The following HMCN1 variants were observed in gnomAD, a reference collection of about 807,000 sequenced individuals.
HMCN1 encodes the protein hemicentin-1.
In HMCN1, 321 loss-of-function variants were observed where a neutral mutation model predicts 625.9. That is an observed-to-expected ratio of 0.51 (90% CI 0.47 to 0.56). The LOEUF (loss-of-function observed/expected upper bound fraction) is 0.56. Ranked by LOEUF, HMCN1 falls within the 20% of genes least tolerant of loss-of-function variation. The probability of loss-of-function intolerance (pLI) is 0.00; values close to 1 mark genes in which losing one functional copy is unlikely to be tolerated. For synonymous variants in HMCN1, 2,425 were observed against 2,417.6 expected (o/e 1.00, Z -0.09); for missense variants, 6,588 against 6,887.3 (o/e 0.96, Z 1.54).
chr1:185,966,765 T>C (rs1650433365), intron 14 of HMCN1, among the ~76,000 whole-genome samples: 1 of 152,182 alleles, frequency 6.6e-6, no homozygotes, highest in African/African-American at 2.4e-5. Flanking sequence ...AACATTTCCA[T>C]AGCAACAGGT....
rs748670419 is a variant in HMCN1, at chr1:186,093,479, A to G, written c.10013-7A>G. Reference sequence around the variant, plus strand: ...CTTCCCTCTCTCTCACTTTCTGCACAACATAGTTACACCTACAATTAGGGG... The same window carrying G: ...CTTCCCTCTCTCTCACTTTCTGCACGACATAGTTACACCTACAATTAGGGG... On this transcript the variant is annotated splice_polypyrimidine_tract_variant and splice_region_variant and intron_variant, in intron 65 of 106. Transcript: ENST00000271588. 3.1e-6 allele frequency: 5 copies of G among 1,612,982 alleles called. No individual in the cohort carries two copies. In the East Asian group the frequency reaches 1.1e-4, roughly 36 times the overall value.
At chr1:185,831,679 A>G (rs1660869509) in intron 1 of HMCN1, among the ~76,000 whole-genome samples, 1 of 152,228 alleles carries the variant, frequency 6.6e-6, no homozygotes, top group Non-Finnish European at 1.5e-5. Context: ...ATATTTAAAA[A>G]TCAATAGCTT....
At chr1:185,747,753 A>G (rs908848027) in intron 1 of HMCN1, among the ~76,000 whole-genome samples, 1 of 152,212 alleles carries the variant, frequency 6.6e-6, no homozygotes, top group Non-Finnish European at 1.5e-5. Context: ...GTTCTAAAAT[A>G]TTTTGACATT....
intron 37 of HMCN1, among the ~76,000 whole-genome samples, chr1:186,038,584 T>C (rs2102226594): frequency 6.6e-6 from 1 of 152,292 alleles, no homozygotes; most frequent in Admixed American, 6.5e-5. Flanking sequence ...AATACTGATA[T>C]ATTAGAGATA....
intron 68 of HMCN1, among the ~76,000 whole-genome samples, chr1:186,098,898 T>C (rs1660266089): frequency 6.6e-6 from 1 of 152,090 alleles, no homozygotes; most frequent in South Asian, 2.1e-4. Flanking sequence ...CTGGAGAACA[T>C]TAAACTATGT....
Position 186,055,378 on chromosome 1 carries a change from TC to T in HMCN1, c.6863-13del. ...TTTCCTCTTTTGTTTCTTTTTATCT[TC>T]CTCCAACCCTCAGTTAGACCAACCA... On this transcript the variant is annotated splice_polypyrimidine_tract_variant and intron_variant, in intron 44 of 106. Coordinates refer to ENST00000271588, the MANE Select transcript of HMCN1 (RefSeq NM_031935.3). The T allele has an allele frequency of 6.2e-7, 1 of 1,611,662 alleles. No homozygotes were observed. Among genetic ancestry groups the T allele is most frequent in the Non-Finnish European group, 8.5e-7 (1 of 1,178,296 alleles).
At chr1:186,007,929 C>T (rs1399226076) in intron 30 of HMCN1, among the ~76,000 whole-genome samples, 3 of 152,070 alleles carry the variant, frequency 2.0e-5, no homozygotes, top group Non-Finnish European at 4.4e-5. Flanking sequence ...ACTCAATAGA[C>T]CTGTAGTGCT....
Position 186,062,494 on chromosome 1 carries a change from T to G in HMCN1, c.7427-20T>G. On this transcript the variant is annotated intron_variant, in intron 47 of 106. Transcript: ENST00000271588. ...TTTGCTGTTAAGAGCTGTTATTTTG[T>G]TGTTGTTGTTGTTTTTTAGTACCAC... The G allele has an allele frequency of 6.9e-7, 1 of 1,442,624 alleles. No homozygotes were observed. Among genetic ancestry groups the G allele is most frequent in the Non-Finnish European group, 9.8e-7 (1 of 1,024,500 alleles). The allele number at this position is 1,442,624 out of a possible 1,614,324, so 89.4% of individuals were successfully genotyped here.
intron 1 of HMCN1, among the ~76,000 whole-genome samples, chr1:185,819,589 G>A (rs895412687): frequency 6.0e-5 from 9 of 151,050 alleles, no homozygotes; most frequent in African/African-American, 2.0e-4. Context: ...TTATTCTTGC[G>A]GTCTTTTTTA....
At chr1:185,822,282 G>T (rs1571403187) in intron 1 of HMCN1, among the ~76,000 whole-genome samples, 1 of 152,136 alleles carries the variant, frequency 6.6e-6, no homozygotes, top group South Asian at 2.1e-4. Context: ...TGTTGATAAT[G>T]GCGGAGGTTG....
intron 50 of HMCN1, 106 bp downstream of exon 50, chr1:186,068,113 T>A (rs909147771): frequency 2.0e-5 from 22 of 1,110,756 alleles, no homozygotes; most frequent in Non-Finnish European, 2.9e-5. Context: ...TTTTGTTGGT[T>A]GTGTTATGTT....
At chr1:185,904,225 A>G (rs1473648647) in intron 4 of HMCN1, among the ~76,000 whole-genome samples, 1 of 151,792 alleles carries the variant, frequency 6.6e-6, no homozygotes, top group Non-Finnish European at 1.5e-5. Context: ...GCTATACTGC[A>G]GGATAGGAAT....
At chr1:185,857,155 T>A (rs1006300522) in intron 2 of HMCN1, among the ~76,000 whole-genome samples, 1 of 152,212 alleles carries the variant, frequency 6.6e-6, no homozygotes, top group South Asian at 2.1e-4. Flanking sequence ...GAAGTTACAG[T>A]TTTTTAAAAA....
chr1:186,152,228 T>C (rs1317372359), intron 95 of HMCN1, among the ~76,000 whole-genome samples: 1 of 152,188 alleles, frequency 6.6e-6, no homozygotes, highest in Non-Finnish European at 1.5e-5. Flanking sequence ...TACATACAGA[T>C]GTTTAGAGAG....
intron 4 of HMCN1, among the ~76,000 whole-genome samples, chr1:185,878,814 C>G (rs1450110931): frequency 6.6e-6 from 1 of 152,172 alleles, no homozygotes; most frequent in Non-Finnish European, 1.5e-5. Flanking sequence ...ATGAATGGAT[C>G]TTACTGCTTT....
At chr1:186,069,384 T>A (rs1176433671) in intron 50 of HMCN1, among the ~76,000 whole-genome samples, 2 of 152,150 alleles carry the variant, frequency 1.3e-5, no homozygotes, top group African/African-American at 4.8e-5. Context: ...ATGAAAGACC[T>A]TATGAAGGAT....
intron 85 of HMCN1, 141 bp downstream of exon 85, chr1:186,130,838 T>G: frequency 1.2e-6 from 1 of 828,536 alleles, no homozygotes; most frequent in Non-Finnish European, 2.0e-6. Flanking sequence ...TTTAAAAAAC[T>G]GAAACAAGGA....
intron 4 of HMCN1, among the ~76,000 whole-genome samples, chr1:185,889,626 A>G (rs1367319780): frequency 7.3e-6 from 1 of 137,744 alleles, no homozygotes; most frequent in Non-Finnish European, 1.5e-5. Flanking sequence ...TGATTTGTGT[A>G]TATTGAACCA....
At chr1:186,130,129 A>G in intron 84 of HMCN1, 29 bp downstream of exon 84, 1 of 1,612,492 alleles carries the variant, frequency 6.2e-7, no homozygotes, top group Middle Eastern at 1.7e-4. Flanking sequence ...TTTTTAATTT[A>G]TAATGCATTC....
Sources: gnomAD v4.1 joint callset for allele counts (sites outside exome capture counted in the v4.1 genomes callset) on GRCh38, gnomAD v4.1.1 for gene constraint, MANE v1.5 for transcripts, NCBI Gene and HGNC (gene_info 2026-07-23, HGNC 2026-07-21) for gene names.